Variants in LDB2 observed in about 807,000 individuals in gnomAD.
The protein encoded by LDB2 is LIM domain binding 2, also known as LIM domain-binding protein 2.
In LDB2, 12 loss-of-function variants were observed where a neutral mutation model predicts 44.3. The observed-to-expected ratio is 0.27, with a 90% CI of 0.17 to 0.44. LDB2 has a LOEUF of 0.44. Ranked by LOEUF, LDB2 falls within the 20% of genes least tolerant of loss-of-function variation. The pLI is 1.00. For missense variants in LDB2, 344 were observed against 473.5 expected (o/e 0.73, Z 2.54); for synonymous variants, 164 against 174.8 (o/e 0.94, Z 0.49).
At position 16,722,696 on chromosome 4, in the gene LDB2, C is replaced by T. The variant is rs565863397; in HGVS notation, c.235+36462G>A. 5.3e-5 allele frequency among the ~76,000 whole-genome samples: 8 copies of T among 152,182 alleles called. 1 individual carries two copies. In the South Asian group the frequency reaches 6.2e-4, roughly 12 times the overall value. On this transcript the variant is annotated intron_variant, in intron 2 of 7. Transcript: ENST00000304523. ...ATCTAGTTGATTGCCAACTTTCCTACGTCAGGACCATGGTTTGTTCATCTC... is the reference window on the plus strand; with the variant it reads ...ATCTAGTTGATTGCCAACTTTCCTATGTCAGGACCATGGTTTGTTCATCTC...
intron 2 of LDB2, among the ~76,000 whole-genome samples, chr4:16,719,798 A>G (rs1757860942): frequency 6.6e-6 from 1 of 152,060 alleles, no homozygotes; most frequent in Non-Finnish European, 1.5e-5. Context: ...GTTATCATAT[A>G]TTATATGACT....
chr4:16,762,181 G>A (rs112113711), intron 1 of LDB2, among the ~76,000 whole-genome samples: 3,217 of 152,040 alleles, frequency 0.021, 115 homozygotes, highest in African/African-American at 0.074. Context: ...GGGTGACAGA[G>A]TGAGACCTGG....
intron 1 of LDB2, among the ~76,000 whole-genome samples, chr4:16,864,498 G>T (rs1238900412): frequency 6.6e-6 from 1 of 152,176 alleles, no homozygotes; most frequent in Non-Finnish European, 1.5e-5. Flanking sequence ...CGGGTAAAAT[G>T]TAAAGTAAAC....
chr4:16,663,729 T>C (rs1308331373), intron 2 of LDB2, among the ~76,000 whole-genome samples: 1 of 152,220 alleles, frequency 6.6e-6, no homozygotes, highest in Admixed American at 6.5e-5. Context: ...GAATGAAACT[T>C]GCCTTGCTAG....
chr4:16,755,551 CAGAG>C (rs1159511525), intron 2 of LDB2, among the ~76,000 whole-genome samples: 3 of 28,058 alleles, frequency 1.1e-4, no homozygotes, highest in African/African-American at 2.8e-4. Flanking sequence ...GACAGACAGA[CAGAG>C]AGAGAGAGAG....
At chr4:16,783,742 GCC>G (rs1773812513) in intron 1 of LDB2, among the ~76,000 whole-genome samples, 5 of 152,142 alleles carry the variant, frequency 3.3e-5, no homozygotes, top group Admixed American at 3.3e-4. Context: ...CTTCCTCATG[GCC>G]AAAGTGCCCC....
At chr4:16,641,409 G>A (rs1316141549) in intron 2 of LDB2, among the ~76,000 whole-genome samples, 1 of 152,156 alleles carries the variant, frequency 6.6e-6, no homozygotes, top group Non-Finnish European at 1.5e-5. Context: ...TTGCTATAAA[G>A]GGAGACTTGA....
chr4:16,696,723 C>T (rs977818376), intron 2 of LDB2, among the ~76,000 whole-genome samples: 26 of 152,192 alleles, frequency 1.7e-4, no homozygotes, highest in African/African-American at 6.3e-4. Flanking sequence ...AAGAGTTTTT[C>T]TTAGAGCAGT....
At chr4:16,550,804 G>A (rs1034671477) in intron 5 of LDB2, among the ~76,000 whole-genome samples, 1 of 152,136 alleles carries the variant, frequency 6.6e-6, no homozygotes, top group African/African-American at 2.4e-5. Flanking sequence ...CTTGTACAAG[G>A]GTGTTTATAG....
At chr4:16,764,384 A>T (rs1407051324) in intron 1 of LDB2, among the ~76,000 whole-genome samples, 2 of 152,182 alleles carry the variant, frequency 1.3e-5, no homozygotes, top group African/African-American at 2.4e-5. Flanking sequence ...TAAAGAGATT[A>T]GGAGTTTAGG....
At chr4:16,766,396 A>T (rs1000109826) in intron 1 of LDB2, among the ~76,000 whole-genome samples, 3 of 150,752 alleles carry the variant, frequency 2.0e-5, no homozygotes, top group African/African-American at 7.3e-5. Context: ...ATATGTGTGC[A>T]TTTATATATA....
intron 1 of LDB2, among the ~76,000 whole-genome samples, chr4:16,825,806 T>C (rs1458366689): frequency 2.0e-5 from 3 of 152,150 alleles, no homozygotes; most frequent in Non-Finnish European, 2.9e-5. Flanking sequence ...ATATATGAGA[T>C]ACAATACACA....
intron 2 of LDB2, among the ~76,000 whole-genome samples, chr4:16,666,381 A>T (rs144979569): frequency 4.1e-3 from 628 of 152,318 alleles, no homozygotes; most frequent in African/African-American, 0.015. Context: ...CTGAGAAGAA[A>T]GGGAGCCTCG....
intron 2 of LDB2, among the ~76,000 whole-genome samples, chr4:16,707,963 G>A (rs368428245): frequency 3.8e-4 from 58 of 152,314 alleles, no homozygotes; most frequent in African/African-American, 1.1e-3. Flanking sequence ...AAAGACTTGC[G>A]TGTGTGCCTC....
intron 1 of LDB2, among the ~76,000 whole-genome samples, chr4:16,874,588 G>A (rs1717802355): frequency 6.6e-6 from 1 of 152,170 alleles, no homozygotes; most frequent in Admixed American, 6.5e-5. Context: ...CAGGGAGAGT[G>A]CGCATCCAAC....
At chr4:16,506,643 G>T (rs1448890679) in intron 7 of LDB2, 2 of 152,196 alleles carry the variant, frequency 1.3e-5, no homozygotes, top group African/African-American at 4.8e-5. Context: ...ACCCAGACTA[G>T]ACCTTAGAAT....
intron 2 of LDB2, among the ~76,000 whole-genome samples, chr4:16,741,962 G>T (rs1272629183): frequency 6.6e-6 from 1 of 152,138 alleles, no homozygotes; most frequent in Non-Finnish European, 1.5e-5. Flanking sequence ...AGGAAAAGTA[G>T]ATTGAGCAAC....
chr4:16,522,337 G>A lies in LDB2; in HGVS notation c.616-10233C>T, dbSNP rs1464191406. ...GGCCCTTCTTATCTGGGGGTTCCAC[G>A]TCTGTGGATTCAACCAACCACAGGT... On this transcript the variant is annotated intron_variant, in intron 5 of 7. Transcript: ENST00000304523. 4.0e-5 allele frequency among the ~76,000 whole-genome samples: 6 copies of A among 151,566 alleles called. No individual in the cohort carries two copies. In the South Asian group the frequency reaches 8.3e-4, roughly 21 times the overall value.
intron 2 of LDB2, among the ~76,000 whole-genome samples, chr4:16,647,984 A>G (rs1370950711): frequency 1.3e-5 from 2 of 152,152 alleles, no homozygotes; most frequent in African/African-American, 2.4e-5. Context: ...CTTTCCCACA[A>G]TGCATCTCTA....
Sources: allele counts gnomAD v4.1 joint callset (sites outside exome capture counted in the v4.1 genomes callset), GRCh38; gene constraint gnomAD v4.1.1; transcripts MANE v1.5; gene names NCBI Gene and HGNC (gene_info 2026-07-23, HGNC 2026-07-21).